C8G: variants seen among roughly 807,000 people sequenced by gnomAD.
C8G encodes complement C8 gamma chain, also known as complement component C8 gamma chain.
A neutral mutation model predicts 29.1 loss-of-function variants in C8G; 38 were observed. The ratio of observed to expected loss-of-function variants is 1.31; its 90% CI spans 1.01 to 1.71. The LOEUF (loss-of-function observed/expected upper bound fraction) is 1.71. C8G is among the 40% of genes most tolerant of loss of function. The pLI, the probability that C8G is intolerant of heterozygous loss-of-function variation, is 0.00. For synonymous variants in C8G, 158 were observed against 113.2 expected (o/e 1.40, Z -2.51); for missense variants, 300 against 267.4 (o/e 1.12, Z -0.85).
In C8G at chr9:136,945,681, C is replaced by T. The variant is rs369472804; in HGVS notation, c.186C>T (p.Phe62=). 4.4e-6 allele frequency: 7 copies of T among 1,606,318 alleles called. No individual in the cohort carries two copies. The East Asian group carries it at 1.1e-4, about 26-fold the overall frequency. ...TGGCTGTGGGCTCCGCTTGCCGTTT[C>T]CTGCAGGAGCAGGGCCACCGGGCCG... ...LLVAVGSACR[F]LQEQGHRAEA... is the part of the protein sequence containing the mutation. The change falls in exon 2 of 7, where the codon TTC becomes TTT. Residue 62 remains phenylalanine, a synonymous_variant. Coordinates refer to ENST00000371634, the MANE Select transcript of C8G (RefSeq NM_000606.3).
intron 5 of C8G, 40 bp downstream of exon 5, chr9:136,946,606 C>A: frequency 6.2e-7 from 1 of 1,612,952 alleles, no homozygotes; most frequent in Non-Finnish European, 8.5e-7. Flanking sequence ...GCCACCCCCA[C>A]TCTCTGGGCT....
intron 4 of C8G, 41 bp downstream of exon 4, chr9:136,946,233 G>C: frequency 6.6e-7 from 1 of 1,504,102 alleles, no homozygotes; most frequent in East Asian, 2.3e-5. Flanking sequence ...AGGCGCTCAA[G>C]CTCTGCACAC....
At chr9:136,946,624 A>G (rs1851049875) in intron 5 of C8G, 27 bp from the exon 6 acceptor site, 2 of 1,613,202 alleles carry the variant, frequency 1.2e-6, no homozygotes, top group Non-Finnish European at 1.7e-6. Context: ...GCTGATGTCC[A>G]GCCTGACCCC....
chr9:136,945,750 T>G lies in C8G; in HGVS notation c.255T>G (p.Ala85=). The G allele has an allele frequency of 6.4e-7, 1 of 1,562,250 alleles. No homozygotes were observed. The highest frequency in any genetic ancestry group is 1.4e-5 in the African/African-American group (1 of 73,960). The change falls in exon 2 of 7, where the codon GCT becomes GCG. Residue 85 remains alanine (A), a synonymous_variant. Coordinates refer to ENST00000371634, the MANE Select transcript of C8G (RefSeq NM_000606.3). ...TGGCTCCCCAGGGCACAGCCATGGCTGTCAGTACCTTCCGAAAGCTGTGAG... is the reference window on the plus strand; with the variant it reads ...TGGCTCCCCAGGGCACAGCCATGGCGGTCAGTACCTTCCGAAAGCTGTGAG... ...LHVAPQGTAM[A]VSTFRKLDGI... is the part of the protein sequence containing the mutation.
rs897355220 is a variant in C8G at position 136,945,753 on chromosome 9, C to T, written c.258C>T (p.Val86=). Residue 86 remains valine (V), a synonymous_variant, in exon 2 of 7, where the codon GTC becomes GTT. Coordinates refer to ENST00000371634, the MANE Select transcript of C8G (RefSeq NM_000606.3). The part of the protein sequence containing the change: ...HVAPQGTAMA[V]STFRKLDGIC... ...CTCCCCAGGGCACAGCCATGGCTGT[C>T]AGTACCTTCCGAAAGCTGTGAGTCC... The T allele has an allele frequency of 2.2e-5, 34 of 1,559,302 alleles. No individual in the cohort carries two copies. Among genetic ancestry groups the T allele is most frequent in the Non-Finnish European group, 2.9e-5 (33 of 1,153,968 alleles).
chr9:136,946,092 C>A lies in C8G; in HGVS notation c.354C>A (p.Asp118Glu), dbSNP rs556328357. The A allele has an allele frequency of 6.2e-7, 1 of 1,601,794 alleles. No homozygotes were observed. ...ACTGTGGCTCTGCCCCAGCCCGAGA[C>A]GCCCGAGGGGCTGTGCACGTGGTTG... ...VLGRFLLQAR[D>E]ARGAVHVVVA... Residue 118 changes from aspartate to glutamate, a missense_variant, in exon 4 of 7, where the codon GAC becomes GAA. Coordinates refer to ENST00000371634, the MANE Select transcript of C8G (RefSeq NM_000606.3).
chr9:136,945,579 G>T lies in C8G; in HGVS notation c.139-55G>T, dbSNP rs530457128. Reference sequence around the variant, plus strand: ...GAAGTTGTGGGGGGTGTAGAGGGAAGCAGGTGAGGGGCCCTCCCACAGTGC... The same window carrying T: ...GAAGTTGTGGGGGGTGTAGAGGGAATCAGGTGAGGGGCCCTCCCACAGTGC... On this transcript the variant is annotated intron_variant, in intron 1 of 6. Transcript: ENST00000371634. 3.2e-5 allele frequency: 51 copies of T among 1,586,796 alleles called. No individual in the cohort carries two copies. In the African/African-American group the frequency reaches 6.3e-4, roughly 20 times the overall value.
chr9:136,946,538 G>C lies in C8G; in HGVS notation c.528G>C (p.Glu176Asp). Residue 176 changes from glutamate to aspartate, a missense_variant, in exon 5 of 7, where the codon GAG (glutamate) becomes GAC (aspartate). Transcript: ENST00000371634. ...EQRVQEAHLT[E>D]DQIFYFPKYG... ...GGGTCCAGGAGGCCCACCTGACTGA[G>C]GACCAGATCTTCTACTTCCCCAAGT... 6.2e-7 allele frequency: 1 copy of C among 1,613,034 alleles called. No individual in the cohort carries two copies. Among genetic ancestry groups the C allele is most frequent in the Non-Finnish European group, 8.5e-7 (1 of 1,179,894 alleles).
intron 6 of C8G, 39 bp from the exon 7 acceptor site, chr9:136,946,729 G>A (rs763208161): frequency 6.2e-7 from 1 of 1,609,416 alleles, no homozygotes; most frequent in African/African-American, 1.3e-5. Context: ...CGTGGTGAGG[G>A]GGGCCACTGC....
chr9:136,946,146 T>C lies in C8G; in HGVS notation c.408T>C (p.Ala136=). The stretch of plus-strand genomic sequence containing the variant: ...CTGAGACCGACTACCAGAGTTTCGC[T>C]GTCCTGTACCTGGAGCGGGCGGGGC... ...VVAETDYQSF[A]VLYLERAGQL... The change falls in exon 4 of 7, where the codon GCT becomes GCC. Residue 136 remains alanine (A), a synonymous_variant. Transcript: ENST00000371634. The C allele has an allele frequency of 6.3e-7, 1 of 1,580,046 alleles. No homozygotes were observed. The highest frequency in any genetic ancestry group is 8.6e-7 in the Non-Finnish European group (1 of 1,160,230).
chr9:136,945,813 C>CTCAGCCCCCGGACT (rs1851016965), intron 2 of C8G, 43 bp downstream of exon 2: 2 of 1,539,296 alleles, frequency 1.3e-6, no homozygotes, highest in South Asian at 2.4e-5. Context: ...CAACCCTCCT[C>CTCAGCCCCCGGACT]TCAGCCCCCG....
Position 136,945,668 on chromosome 9 carries a change from C to G in C8G, c.173C>G (p.Ser58Cys). ...ACCTGGCTCCTTGTGGCTGTGGGCT[C>G]CGCTTGCCGTTTCCTGCAGGAGCAG... ...AGTWLLVAVG[S>C]ACRFLQEQGH... The change falls in exon 2 of 7, where the codon TCC becomes TGC. Residue 58 changes from serine to cysteine, a missense_variant. Transcript: ENST00000371634. 3 of 1,608,416 alleles carry G rather than the reference C, an allele frequency of 1.9e-6. No homozygotes were observed. Among genetic ancestry groups the G allele is most frequent in the Non-Finnish European group, 2.5e-6 (3 of 1,179,282 alleles).
Position 136,945,274 on chromosome 9 carries a change from G to GT in C8G, c.-46dup. The stretch of plus-strand genomic sequence containing the variant: ...GTAGACTCTGTCCTGGGACTTGGTG[G>GT]TGCTACCCTTGGCCTCCCACAGTCC... On this transcript the variant is annotated 5_prime_UTR_variant, in exon 1 of 7. Coordinates refer to ENST00000371634, the MANE Select transcript of C8G (RefSeq NM_000606.3). 6.4e-7 allele frequency: 1 copy of GT among 1,551,970 alleles called. No individual in the cohort carries two copies. Among genetic ancestry groups the GT allele is most frequent in the Non-Finnish European group, 8.7e-7 (1 of 1,145,678 alleles).
Position 136,945,397 on chromosome 9 carries a change from C to G in C8G, c.77C>G (p.Pro26Arg), listed in dbSNP as rs964075217. 16 of 1,608,164 alleles carry G rather than the reference C, an allele frequency of 9.9e-6. No individual in the cohort carries two copies. Among genetic ancestry groups the G allele is most frequent in the Non-Finnish European group, 1.4e-5 (16 of 1,178,014 alleles). ...TCGCTGGGCCAGAAGCCTCAGAGGC[C>G]ACGCCGGCCCGCATCCCCCATCAGC... ...AGSLGQKPQR[P>R]RRPASPISTI... Residue 26 changes from proline to arginine, a missense_variant, in exon 1 of 7, where the codon CCA (proline) becomes CGA (arginine). Physicochemically the swap from Pro to Arg is moderately radical, Grantham distance 103. Transcript: ENST00000371634.
Position 136,945,633 on chromosome 9 carries a change from G to T in C8G, c.139-1G>T. On this transcript the variant is annotated splice_acceptor_variant, in intron 1 of 6. Transcript: ENST00000371634. LOFTEE classifies it high-confidence loss of function. ...CGAGTTCTCCCATGGTCTGCCCCCA[G>T]TTTGCAGGGACCTGGCTCCTTGTGG... is the stretch of plus-strand genomic sequence containing the variant. 1 of 1,609,514 alleles carries T rather than the reference G, an allele frequency of 6.2e-7. No individual in the cohort carries two copies.
Position 136,946,780 on chromosome 9 carries a change from G to T in C8G, c.608G>T (p.Ter203LeuextTer?). ...GTCTCTGCTGCAGAAGTGAGGAGGTGAGGCCGGCACACAGCTCCAGTGCTG... is the reference window on the plus strand; with the variant it reads ...GTCTCTGCTGCAGAAGTGAGGAGGTTAGGCCGGCACACAGCTCCAGTGCTG... ...QFHVLDEVRR* is the reference protein window; with the variant it reads ...QFHVLDEVRRL The change falls in exon 7 of 7, where the codon TGA (stop) becomes TTA (leucine). Residue 203 changes from the stop codon to leucine (L), a stop_lost. Coordinates refer to ENST00000371634, the MANE Select transcript of C8G (RefSeq NM_000606.3). 1 of 1,589,418 alleles carries T rather than the reference G, an allele frequency of 6.3e-7. No homozygotes were observed. Among genetic ancestry groups the T allele is most frequent in the Non-Finnish European group, 8.5e-7 (1 of 1,172,020 alleles).
Position 136,946,834 on chromosome 9 carries a change from A to C in C8G, c.*53A>C. 1 of 1,538,398 alleles carries C rather than the reference A, an allele frequency of 6.5e-7. No individual in the cohort carries two copies. The highest frequency in any genetic ancestry group is 2.4e-5 in the East Asian group (1 of 41,042). On this transcript the variant is annotated 3_prime_UTR_variant, in exon 7 of 7. Transcript: ENST00000371634. ...AGTCAGTGCCCCGAGAGACGACCCC[A>C]CCAGTGGGGTGCCCGCTGCCTGTCC...
At chr9:136,946,304 C>T in intron 4 of C8G, 112 bp downstream of exon 4, 4 of 1,370,320 alleles carry the variant, frequency 2.9e-6, no homozygotes, top group Non-Finnish European at 4.0e-6. Flanking sequence ...TTCTCCCATC[C>T]TGATCCTCCT....
rs143515416 is a variant in C8G at position 136,946,469 on chromosome 9, C to T, written c.459C>T (p.Arg153=). Residue 153 remains arginine, a synonymous_variant, in exon 5 of 7, where the codon CGC becomes CGT. Coordinates refer to ENST00000371634, the MANE Select transcript of C8G (RefSeq NM_000606.3). ...GGAACCCTGTCTGCCCTGCAGCCCG[C>T]TCGCTCCCTGTGAGCGACTCGGTCC... The part of the protein sequence containing the change: ...AGQLSVKLYA[R]SLPVSDSVLS... The T allele has an allele frequency of 1.2e-4, 188 of 1,602,714 alleles. No homozygotes were observed. The highest frequency in any genetic ancestry group is 1.9e-4 in the Admixed American group (11 of 59,060).
Sources: allele counts gnomAD v4.1 joint callset, GRCh38; gene constraint gnomAD v4.1.1; transcripts MANE v1.5; gene names NCBI Gene and HGNC (gene_info 2026-07-23, HGNC 2026-07-21).